The following TRPM3 variants were observed in gnomAD, a reference collection of about 807,000 sequenced individuals.
TRPM3 encodes long transient receptor potential channel 3.
In TRPM3, 77 loss-of-function variants were observed where a neutral mutation model predicts 181.2. That is an observed-to-expected ratio of 0.42 (90% CI 0.35 to 0.51). TRPM3 has a LOEUF of 0.51. Ranked by LOEUF, TRPM3 falls within the 20% of genes least tolerant of loss-of-function variation. The probability of loss-of-function intolerance (pLI) is 0.01; values close to 1 mark genes in which losing one functional copy is unlikely to be tolerated. For missense variants in TRPM3, 1,759 were observed against 2,196.7 expected (o/e 0.80, Z 3.98); for synonymous variants, 745 against 796.4 (o/e 0.94, Z 1.09).
At chr9:71,412,815 A>G (rs1367118895) in intron 1 of TRPM3, among the ~76,000 whole-genome samples, 1 of 152,230 alleles carries the variant, frequency 6.6e-6, no homozygotes, top group African/African-American at 2.4e-5. Flanking sequence ...TTATTGTGGC[A>G]CTATTCACAA....
chr9:71,270,563 T>C (rs934478290), intron 1 of TRPM3, among the ~76,000 whole-genome samples: 3 of 152,172 alleles, frequency 2.0e-5, no homozygotes, highest in Admixed American at 1.3e-4. Context: ...CTTCCTTTAA[T>C]AGAAAGCCCT....
chr9:71,395,877 T>C (rs1000471402), intron 1 of TRPM3, among the ~76,000 whole-genome samples: 2 of 152,090 alleles, frequency 1.3e-5, no homozygotes, highest in Non-Finnish European at 2.9e-5. Flanking sequence ...AACTTGACAA[T>C]CTGAAAGCAG....
intron 1 of TRPM3, among the ~76,000 whole-genome samples, chr9:71,170,684 T>C (rs2076805475): frequency 6.6e-6 from 1 of 152,214 alleles, no homozygotes; most frequent in African/African-American, 2.4e-5. Flanking sequence ...AATACCCTTG[T>C]GATTTCCTAT....
In TRPM3 at chr9:70,794,729, T is replaced by C. The variant is rs369355288; in HGVS notation, c.974-10450A>G. ...CACTTTCCCTGATTCACTCTCAGCA[T>C]GTGCTGCTCTATCTATTTTATCTCC... On this transcript the variant is annotated intron_variant, in intron 6 of 25. Transcript: ENST00000677713. 5.9e-5 allele frequency among the ~76,000 whole-genome samples: 9 copies of C among 152,350 alleles called. No individual in the cohort carries two copies. The South Asian group carries it at 1.9e-3, about 32-fold the overall frequency.
intron 3 of TRPM3, among the ~76,000 whole-genome samples, chr9:70,859,296 G>A (rs2095466779): frequency 2.0e-5 from 3 of 152,174 alleles, no homozygotes; most frequent in Admixed American, 6.5e-5. Flanking sequence ...GGCTGTCGAA[G>A]CCAGTGTCTA....
At chr9:71,435,500 A>G (rs2094018728) in intron 1 of TRPM3, among the ~76,000 whole-genome samples, 1 of 152,142 alleles carries the variant, frequency 6.6e-6, no homozygotes, top group South Asian at 2.1e-4. Flanking sequence ...TAAATTCAAC[A>G]CTCAGAAACC....
At chr9:70,862,149 C>A (rs2095538722) in intron 3 of TRPM3, among the ~76,000 whole-genome samples, 1 of 152,172 alleles carries the variant, frequency 6.6e-6, no homozygotes, top group East Asian at 1.9e-4. Context: ...CCTGCTCCAC[C>A]CTCAGCTAGT....
At chr9:71,443,770 GCATGCCTCAGAT>G (rs1456179686) in intron 1 of TRPM3, among the ~76,000 whole-genome samples, 2 of 152,148 alleles carry the variant, frequency 1.3e-5, no homozygotes, top group Non-Finnish European at 2.9e-5. Context: ...TACCAAAAGA[GCATGCCTCAGAT>G]CATGAATAAA....
chr9:70,868,678 G>T (rs3812532), intron 1 of TRPM3, among the ~76,000 whole-genome samples: 63,750 of 151,758 alleles, frequency 0.42, 13,570 homozygotes, highest in Admixed American at 0.46. Flanking sequence ...CTTCAGCAGG[G>T]CAGCTTAACA....
At chr9:71,424,018 G>A (rs2093821822) in intron 1 of TRPM3, among the ~76,000 whole-genome samples, 3 of 152,180 alleles carry the variant, frequency 2.0e-5, no homozygotes, top group South Asian at 2.1e-4. Flanking sequence ...CCCAACTGTC[G>A]CAAGCACCGC....
chr9:70,846,494 T>A lies in TRPM3; in HGVS notation c.560A>T (p.His187Leu). 2 of 1,614,142 alleles carry A rather than the reference T, an allele frequency of 1.2e-6. No homozygotes were observed. The highest frequency in any genetic ancestry group is 1.7e-6 in the Non-Finnish European group (2 of 1,180,012). Residue 187 changes from histidine to leucine, a missense_variant, in exon 4 of 26, where the codon CAT becomes CTT. Transcript: ENST00000677713. ...GAGTTCAAAGTTCTGCAGGCCCCCA[T>A]GGACAGAGATGAGAAGCTTGGGAAG... ...LELPKLLISV[H>L]GGLQNFELQP...
intron 1 of TRPM3, among the ~76,000 whole-genome samples, chr9:71,253,592 T>G (rs1051782383): frequency 6.6e-6 from 1 of 152,152 alleles, no homozygotes; most frequent in African/African-American, 2.4e-5. Context: ...GCCCCCAAAT[T>G]TATCCTCCTA....
At chr9:71,184,120 G>T (rs1353273604) in intron 1 of TRPM3, among the ~76,000 whole-genome samples, 5 of 152,042 alleles carry the variant, frequency 3.3e-5, no homozygotes, top group Non-Finnish European at 5.9e-5. Flanking sequence ...ACCATTAGGG[G>T]TGCTCTTCGA....
At chr9:71,241,588 T>C (rs1011933182) in intron 1 of TRPM3, among the ~76,000 whole-genome samples, 73 of 152,140 alleles carry the variant, frequency 4.8e-4, no homozygotes, top group African/African-American at 1.7e-3. Context: ...ATGGCACATG[T>C]ATACGTATGT....
At chr9:70,894,748 C>G (rs1160737360) in intron 1 of TRPM3, among the ~76,000 whole-genome samples, 2 of 152,136 alleles carry the variant, frequency 1.3e-5, no homozygotes, top group Admixed American at 6.5e-5. Context: ...ATATAGCACT[C>G]AACAGTTTGC....
intron 1 of TRPM3, among the ~76,000 whole-genome samples, chr9:71,332,310 A>G (rs2090251348): frequency 2.0e-5 from 3 of 151,400 alleles, no homozygotes; most frequent in Admixed American, 2.0e-4. Context: ...TTTTGGATAC[A>G]TCTTTGGCTA....
chr9:70,800,996 GA>G (rs1456145263), intron 6 of TRPM3, among the ~76,000 whole-genome samples: 1 of 152,166 alleles, frequency 6.6e-6, no homozygotes, highest in African/African-American at 2.4e-5. Flanking sequence ...GTCCTGTTAG[GA>G]AATCTACAGT....
At chr9:71,417,575 C>T (rs1473506717) in intron 1 of TRPM3, among the ~76,000 whole-genome samples, 1 of 151,916 alleles carries the variant, frequency 6.6e-6, no homozygotes, top group African/African-American at 2.4e-5. Flanking sequence ...ATCTCATAAT[C>T]CTATTAAATT....
intron 1 of TRPM3, among the ~76,000 whole-genome samples, chr9:71,291,804 G>A (rs1273949007): frequency 6.6e-6 from 1 of 152,062 alleles, no homozygotes; most frequent in Non-Finnish European, 1.5e-5. Flanking sequence ...AACGACTTGA[G>A]TAACAGAATC....
Sources: gnomAD v4.1 joint callset for allele counts (sites outside exome capture counted in the v4.1 genomes callset) on GRCh38, gnomAD v4.1.1 for gene constraint, MANE v1.5 for transcripts, NCBI Gene and HGNC (gene_info 2026-07-23, HGNC 2026-07-21) for gene names.